The following GLRA3 variants were observed in gnomAD, a reference collection of about 807,000 sequenced individuals.
The protein encoded by GLRA3 is glycine receptor alpha 3.
In GLRA3, 44 loss-of-function variants were observed where a neutral mutation model predicts 60.4. The observed-to-expected ratio is 0.73, with a 90% CI of 0.57 to 0.94. The LOEUF is 0.94. Ranked by LOEUF, GLRA3 falls within the 40% of genes least tolerant of loss-of-function variation. The probability of loss-of-function intolerance (pLI) is 0.00; values close to 1 mark genes in which losing one functional copy is unlikely to be tolerated. For synonymous variants in GLRA3, 223 were observed against 192.9 expected (o/e 1.16, Z -1.29); for missense variants, 508 against 564.6 (o/e 0.90, Z 1.02).
chr4:174,749,495 T>C (rs1319037981), intron 3 of GLRA3, among the ~76,000 whole-genome samples: 1 of 152,142 alleles, frequency 6.6e-6, no homozygotes, highest in Non-Finnish European at 1.5e-5. Flanking sequence ...CAGAAACCAG[T>C]GGCAAAATCA....
chr4:174,704,806 TG>T (rs1356707154), intron 5 of GLRA3, among the ~76,000 whole-genome samples: 1 of 143,884 alleles, frequency 7.0e-6, no homozygotes, highest in East Asian at 2.3e-4. Context: ...AGATAAACTT[TG>T]AGAACTTTGT....
chr4:174,773,126 T>C (rs1226559305), intron 2 of GLRA3, among the ~76,000 whole-genome samples: 3 of 152,156 alleles, frequency 2.0e-5, no homozygotes, highest in Admixed American at 1.3e-4. Flanking sequence ...ATCTGCTACT[T>C]CTCTGTGCCA....
chr4:174,749,068 T>C (rs1737356549), intron 3 of GLRA3, among the ~76,000 whole-genome samples: 1 of 152,114 alleles, frequency 6.6e-6, no homozygotes, highest in East Asian at 1.9e-4. Context: ...TCATGATTGT[T>C]GAAAGAACAA....
chr4:174,710,678 G>A (rs1474242158), intron 5 of GLRA3, among the ~76,000 whole-genome samples: 2 of 151,894 alleles, frequency 1.3e-5, no homozygotes, highest in Non-Finnish European at 2.9e-5. Context: ...CCATAACTAT[G>A]ACTGAAAAAG....
intron 1 of GLRA3, among the ~76,000 whole-genome samples, chr4:174,806,205 C>A (rs910206248): frequency 3.9e-5 from 6 of 152,080 alleles, no homozygotes; most frequent in Admixed American, 3.3e-4. Flanking sequence ...AAATCTGCAG[C>A]TTTACACACA....
chr4:174,815,771 A>G (rs990627318), intron 1 of GLRA3, among the ~76,000 whole-genome samples: 5 of 152,068 alleles, frequency 3.3e-5, no homozygotes, highest in Non-Finnish European at 7.4e-5. Context: ...GAACCACAAA[A>G]ACATTGTTTC....
At chr4:174,665,864 T>C (rs1484789839) in intron 7 of GLRA3, among the ~76,000 whole-genome samples, 3 of 152,150 alleles carry the variant, frequency 2.0e-5, no homozygotes, top group Non-Finnish European at 4.4e-5. Flanking sequence ...CATTTATTAT[T>C]AGAGAAATAA....
chr4:174,637,957 T>A lies in GLRA3; in HGVS notation c.*5829A>T, dbSNP rs1732537546. 6.6e-6 allele frequency: 1 copy of A among 151,688 alleles called. No individual in the cohort carries two copies. The highest frequency in any genetic ancestry group is 2.1e-4 in the South Asian group (1 of 4,834). The allele number at this position is 151,688 out of a possible 1,614,324, so 9.4% of individuals were successfully genotyped here. On this transcript the variant is annotated 3_prime_UTR_variant, in exon 10 of 10. Coordinates refer to ENST00000274093, the MANE Select transcript of GLRA3 (RefSeq NM_006529.4). ...TCATTGTTTAACACTTACAATGCTC[T>A]CATGAATGGTTTAAATAAGAATAAA...
chr4:174,829,002 T>C lies in GLRA3; in HGVS notation c.-191A>G, dbSNP rs1741095530. The C allele has an allele frequency of 1.8e-6, 1 of 566,944 alleles. No individual in the cohort carries two copies. Among genetic ancestry groups the C allele is most frequent in the Non-Finnish European group, 3.2e-6 (1 of 316,590 alleles). The allele number at this position is 566,944 out of a possible 1,614,324, so 35.1% of individuals were successfully genotyped here. The stretch of plus-strand genomic sequence containing the variant: ...CTCAGCATTGAGCAGAAGTGGAGAG[T>C]CACAGTGTTATAAATGTGCAGGTGA... On this transcript the variant is annotated 5_prime_UTR_variant, in exon 1 of 10. Transcript: ENST00000274093.
At chr4:174,674,793 G>A (rs186461401) in intron 7 of GLRA3, among the ~76,000 whole-genome samples, 1 of 152,202 alleles carries the variant, frequency 6.6e-6, no homozygotes, top group East Asian at 1.9e-4. Flanking sequence ...AGACTTCTGA[G>A]GGTTCTTTTG....
rs1471225920 is a variant in GLRA3 at position 174,639,232 on chromosome 4, A to C, written c.*4554T>G. 1 of 152,196 alleles carries C rather than the reference A, an allele frequency of 6.6e-6. No individual in the cohort carries two copies. Among genetic ancestry groups the C allele is most frequent in the East Asian group, 1.9e-4 (1 of 5,194 alleles). The allele number at this position is 152,196 out of a possible 1,614,324, so 9.4% of individuals were successfully genotyped here. On this transcript the variant is annotated 3_prime_UTR_variant, in exon 10 of 10. Coordinates refer to ENST00000274093, the MANE Select transcript of GLRA3 (RefSeq NM_006529.4). Reference sequence around the variant, plus strand: ...CATGATTAAGAGCTGGCCAAATCGAATGACTGCATGGTTCATATTTTCCAC... The same window carrying C: ...CATGATTAAGAGCTGGCCAAATCGACTGACTGCATGGTTCATATTTTCCAC...
intron 2 of GLRA3, among the ~76,000 whole-genome samples, chr4:174,780,685 T>G (rs1466614646): frequency 6.6e-6 from 1 of 150,832 alleles, no homozygotes; most frequent in African/African-American, 2.4e-5. Flanking sequence ...TAAAACAGAC[T>G]TTAAACCAAC....
chr4:174,816,843 A>G (rs906668120), intron 1 of GLRA3, among the ~76,000 whole-genome samples: 1 of 151,882 alleles, frequency 6.6e-6, no homozygotes, highest in Non-Finnish European at 1.5e-5. Flanking sequence ...TTTAATTTTA[A>G]TTCTTGTGGG....
intron 1 of GLRA3, among the ~76,000 whole-genome samples, chr4:174,826,610 C>T (rs1740978750): frequency 1.3e-5 from 2 of 152,114 alleles, no homozygotes; most frequent in Non-Finnish European, 2.9e-5. Flanking sequence ...ATCTTCAAAG[C>T]CTATGACATA....
At chr4:174,779,130 G>A (rs1057251593) in intron 2 of GLRA3, among the ~76,000 whole-genome samples, 85 of 152,320 alleles carry the variant, frequency 5.6e-4, no homozygotes, top group African/African-American at 1.8e-3. Context: ...ATCTGAGAAC[G>A]GGCAGACTGC....
chr4:174,822,954 G>T (rs1399292372), intron 1 of GLRA3, among the ~76,000 whole-genome samples: 1 of 152,170 alleles, frequency 6.6e-6, no homozygotes, highest in African/African-American at 2.4e-5. Flanking sequence ...GAGCTGCATT[G>T]TTTTACCACT....
intron 3 of GLRA3, among the ~76,000 whole-genome samples, chr4:174,730,468 T>A (rs1369659798): frequency 6.6e-6 from 1 of 152,232 alleles, no homozygotes; most frequent in Non-Finnish European, 1.5e-5. Context: ...TACTGATTTA[T>A]AAGATACATA....
chr4:174,649,209 C>G (rs895241337), intron 9 of GLRA3, among the ~76,000 whole-genome samples: 2 of 151,930 alleles, frequency 1.3e-5, no homozygotes, highest in Non-Finnish European at 2.9e-5. Context: ...GATGCCAAAG[C>G]AAAATATGTG....
rs1395833997 is a variant in GLRA3, at chr4:174,682,932, G to A, written c.582C>T (p.Tyr194=). 2.5e-6 allele frequency: 4 copies of A among 1,611,712 alleles called. No homozygotes were observed. The highest frequency in any genetic ancestry group is 1.6e-4 in the Middle Eastern group (1 of 6,076). The change falls in exon 6 of 10, where the codon TAC becomes TAT. Residue 194 remains tyrosine, a synonymous_variant. Transcript: ENST00000274093. The part of the protein sequence containing the change: ...TCIMQLESFG[Y]TMNDLIFEWQ... ...ATTCAAAAATGAGATCATTCATTGT[G>A]TACCCAACTAGGCAAAACATAATAA...
Sources: gnomAD v4.1 joint callset for allele counts (sites outside exome capture counted in the v4.1 genomes callset) on GRCh38, gnomAD v4.1.1 for gene constraint, MANE v1.5 for transcripts, NCBI Gene and HGNC (gene_info 2026-07-23, HGNC 2026-07-21) for gene names.